Variants in CA10 observed in about 807,000 individuals in gnomAD.
CA10 encodes the protein carbonic anhydrase 10 (inactive).
In CA10, 14 loss-of-function variants were observed where a neutral mutation model predicts 44.2. That is an observed-to-expected ratio of 0.32 (90% CI 0.21 to 0.50). The LOEUF (loss-of-function observed/expected upper bound fraction) is 0.50. CA10 is among the 20% of genes least tolerant of loss of function. The pLI, the probability that CA10 is intolerant of heterozygous loss-of-function variation, is 0.99. For synonymous variants in CA10, 159 were observed against 141.6 expected (o/e 1.12, Z -0.87); for missense variants, 350 against 409.7 (o/e 0.85, Z 1.26).
At chr17:51,851,262 A>C (rs1205961415) in intron 3 of CA10, among the ~76,000 whole-genome samples, 2 of 152,224 alleles carry the variant, frequency 1.3e-5, no homozygotes, top group Admixed American at 6.5e-5. Context: ...TCAACTCCAC[A>C]GCCTGTAACC....
chr17:51,895,694 T>C (rs1981040315), intron 3 of CA10, among the ~76,000 whole-genome samples: 1 of 152,024 alleles, frequency 6.6e-6, no homozygotes, highest in Admixed American at 6.6e-5. Flanking sequence ...TTTTTAACAA[T>C]ATGAAAGAGG....
chr17:51,793,252 A>G (rs185413579), intron 3 of CA10, among the ~76,000 whole-genome samples: 210 of 152,320 alleles, frequency 1.4e-3, no homozygotes, highest in African/African-American at 4.7e-3. Context: ...CACTGCCTGA[A>G]TGTCCTGACA....
chr17:51,677,219 A>G (rs994869731), intron 4 of CA10, among the ~76,000 whole-genome samples: 2 of 152,298 alleles, frequency 1.3e-5, no homozygotes, highest in East Asian at 1.9e-4. Flanking sequence ...CTCATGTTCA[A>G]TTGTAATACT....
intron 4 of CA10, among the ~76,000 whole-genome samples, chr17:51,692,860 T>C (rs905891747): frequency 2.6e-5 from 4 of 152,238 alleles, no homozygotes; most frequent in Non-Finnish European, 5.9e-5. Context: ...TGACTGGCTT[T>C]GACTGGTTTT....
At chr17:51,781,146 A>G (rs1181020579) in intron 3 of CA10, among the ~76,000 whole-genome samples, 1 of 152,218 alleles carries the variant, frequency 6.6e-6, no homozygotes, top group Non-Finnish European at 1.5e-5. Flanking sequence ...GAGATCAAGA[A>G]GGGACTCCAA....
At chr17:51,951,260 T>C (rs906404257) in intron 2 of CA10, among the ~76,000 whole-genome samples, 2 of 152,202 alleles carry the variant, frequency 1.3e-5, no homozygotes, top group African/African-American at 4.8e-5. Context: ...TTTCAAGTTG[T>C]CTTTAACAGA....
At chr17:51,656,875 C>G (rs147809025) in intron 4 of CA10, among the ~76,000 whole-genome samples, 3 of 152,324 alleles carry the variant, frequency 2.0e-5, no homozygotes, top group African/African-American at 7.2e-5. Context: ...CTGTTTACCC[C>G]TTCTCCACTT....
chr17:52,123,915 C>A (rs1240292890), intron 1 of CA10, among the ~76,000 whole-genome samples: 6 of 152,082 alleles, frequency 3.9e-5, no homozygotes, highest in Non-Finnish European at 8.8e-5. Context: ...ACCCTTGGGA[C>A]CCTGTTTAAA....
chr17:51,874,015 C>T (rs897973933), intron 3 of CA10, among the ~76,000 whole-genome samples: 2 of 152,176 alleles, frequency 1.3e-5, no homozygotes, highest in African/African-American at 4.8e-5. Flanking sequence ...TCCTTTTCTT[C>T]CCAGACTTGT....
intron 2 of CA10, among the ~76,000 whole-genome samples, chr17:52,049,633 T>C (rs1438140999): frequency 1.3e-5 from 2 of 152,134 alleles, no homozygotes; most frequent in Non-Finnish European, 2.9e-5. Context: ...ATTTTCTCTT[T>C]AGCCAATTTC....
At chr17:51,653,595 T>G in intron 5 of CA10, 46 bp downstream of exon 5, 1 of 991,420 alleles carries the variant, frequency 1.0e-6, no homozygotes, top group Non-Finnish European at 1.6e-6. Flanking sequence ...GGTATTCTGA[T>G]TGAGGTGGGG....
intron 3 of CA10, among the ~76,000 whole-genome samples, chr17:51,780,787 G>A (rs947460745): frequency 1.6e-4 from 24 of 152,194 alleles, no homozygotes; most frequent in Non-Finnish European, 2.9e-5. Flanking sequence ...CTGGCAGAAA[G>A]AACAGTGTGA....
intron 3 of CA10, among the ~76,000 whole-genome samples, chr17:51,885,753 A>G (rs1456522706): frequency 1.3e-5 from 2 of 152,088 alleles, no homozygotes; most frequent in Non-Finnish European, 2.9e-5. Context: ...TTATCTCTTC[A>G]TTTTTCCTTC....
At chr17:51,753,730 A>G (rs1335285242) in intron 3 of CA10, among the ~76,000 whole-genome samples, 1 of 152,180 alleles carries the variant, frequency 6.6e-6, no homozygotes, top group East Asian at 1.9e-4. Flanking sequence ...CCTGGTTTCT[A>G]TGGCACTTTC....
intron 3 of CA10, among the ~76,000 whole-genome samples, chr17:51,824,282 G>A (rs1168345241): frequency 6.6e-6 from 1 of 152,170 alleles, no homozygotes; most frequent in African/African-American, 2.4e-5. Context: ...CAGGATTTAA[G>A]CTTGTGCCAG....
At chr17:51,714,933 C>G (rs1261884312) in intron 4 of CA10, among the ~76,000 whole-genome samples, 1 of 152,152 alleles carries the variant, frequency 6.6e-6, no homozygotes, top group Non-Finnish European at 1.5e-5. Context: ...GCCCTTTTCT[C>G]AAATTATCAG....
At chr17:51,845,165 T>G (rs180792847) in intron 3 of CA10, among the ~76,000 whole-genome samples, 1 of 152,340 alleles carries the variant, frequency 6.6e-6, no homozygotes, top group East Asian at 1.9e-4. Flanking sequence ...ATGTTTCACC[T>G]CCAGATGTGA....
chr17:51,765,478 G>C (rs1905338141), intron 3 of CA10, among the ~76,000 whole-genome samples: 1 of 152,218 alleles, frequency 6.6e-6, no homozygotes, highest in Non-Finnish European at 1.5e-5. Flanking sequence ...TTATGGGCCA[G>C]AGAATTAGAG....
Position 52,158,175 on chromosome 17 carries a change from C to A in CA10, c.-389G>T, listed in dbSNP as rs1989850617. On this transcript the variant is annotated 5_prime_UTR_variant, in exon 1 of 9. Transcript: ENST00000451037. ...TGGGCTCTTCCAGCAAAAACGAGAC[C>A]CCGATTCGTCTGGCGCCCCAAGAAG... 6 of 330,052 alleles carry A rather than the reference C, an allele frequency of 1.8e-5. No homozygotes were observed. Among genetic ancestry groups the A allele is most frequent in the South Asian group, 1.7e-4 (6 of 35,670 alleles). 20.4% of individuals were successfully genotyped at this position (330,052 alleles called of 1,614,324 possible).
Sources: gnomAD v4.1 joint callset for allele counts (sites outside exome capture counted in the v4.1 genomes callset) on GRCh38, gnomAD v4.1.1 for gene constraint, MANE v1.5 for transcripts, NCBI Gene and HGNC (gene_info 2026-07-23, HGNC 2026-07-21) for gene names.